The following OR2M3 variants were observed in gnomAD, a reference collection of about 807,000 sequenced individuals.
OR2M3 encodes the protein olfactory receptor family 2 subfamily M member 3.
OR2M3 carries 1 observed loss-of-function variant against 4.3 expected under a neutral mutation model. The observed-to-expected ratio is 0.23, with a 90% CI of 0.08 to 1.11. The LOEUF is 1.11. Ranked by LOEUF, OR2M3 falls within the 50% of genes most tolerant of loss-of-function variation. The pLI is 0.54. For missense variants in OR2M3, 410 were observed against 390.4 expected (o/e 1.05, Z -0.42); for synonymous variants, 151 against 139.4 (o/e 1.08, Z -0.59).
In OR2M3 at chr1:248,202,976, T is replaced by G. The variant is rs1666173947; in HGVS notation, c.-18-74T>G. ...TGTATTGATCACCCAACTACAGAAG[T>G]TACCACAATCACATGATTTATAAGG... is the stretch of plus-strand genomic sequence containing the variant. On this transcript the variant is annotated intron_variant, in intron 1 of 1. Transcript: ENST00000641626. 8 of 1,339,084 alleles carry G rather than the reference T, an allele frequency of 6.0e-6. No homozygotes were observed. The South Asian group carries it at 1.1e-4, about 18-fold the overall frequency. The allele number at this position is 1,339,084 out of a possible 1,614,324, so 83.0% of individuals were successfully genotyped here.
chr1:248,204,609 G>GTATATATA lies in OR2M3; in HGVS notation c.*609_*610insTATATATA, dbSNP rs1191894382. 6.0e-5 allele frequency: 9 copies of GTATATATA among 150,218 alleles called. No individual in the cohort carries two copies. Among genetic ancestry groups the GTATATATA allele is most frequent in the African/African-American group, 2.3e-4 (9 of 39,988 alleles). The allele number at this position is 150,218 out of a possible 1,614,324, so 9.3% of individuals were successfully genotyped here. On this transcript the variant is annotated 3_prime_UTR_variant, in exon 2 of 2. Transcript: ENST00000641626. The stretch of plus-strand genomic sequence containing the variant: ...CTGAGTAGTATTCCATGGTATGTGT[G>GTATATATA]TATATAGATATATATATATATACGT...
At position 248,209,513 on chromosome 1, in the gene OR2M3, G is replaced by A. The variant is rs1296930649; in HGVS notation, c.*5507G>A. The A allele has an allele frequency of 6.6e-6, 1 of 152,064 alleles. No homozygotes were observed. The highest frequency in any genetic ancestry group is 2.4e-5 in the African/African-American group (1 of 41,368). The allele number at this position is 152,064 out of a possible 1,614,324, so 9.4% of individuals were successfully genotyped here. The stretch of plus-strand genomic sequence containing the variant: ...CTTTTGTCCCACTGAGTGCTCCCTC[G>A]ATGTGGTGTTCTCATTCCCCTAGGA... On this transcript the variant is annotated 3_prime_UTR_variant, in exon 2 of 2. Transcript: ENST00000641626.
chr1:248,208,813 T>C lies in OR2M3; in HGVS notation c.*4807T>C, dbSNP rs937503387. ...AACTTGTTATGTACCTAGGGAATGA[T>C]CTTTTTGTCATGAATTTCCCAGGTG... On this transcript the variant is annotated 3_prime_UTR_variant, in exon 2 of 2. Coordinates refer to ENST00000641626, the MANE Select transcript of OR2M3 (RefSeq NM_001004689.2). The C allele has an allele frequency of 2.0e-5, 3 of 152,152 alleles. No individual in the cohort carries two copies. The highest frequency in any genetic ancestry group is 6.6e-5 in the Admixed American group (1 of 15,262). The allele number at this position is 152,152 out of a possible 1,614,324, so 9.4% of individuals were successfully genotyped here. A position where few individuals can be genotyped will look rare whatever the true frequency, so the allele number is the denominator to read the frequency against.
intron 1 of OR2M3, among the ~76,000 whole-genome samples, chr1:248,198,690 G>A (rs1407930174): frequency 6.6e-6 from 1 of 152,084 alleles, no homozygotes; most frequent in East Asian, 1.9e-4. Flanking sequence ...CATGGTTTCT[G>A]TGTTACTATT....
At position 248,211,775 on chromosome 1, in the gene OR2M3, A is replaced by C. The variant is rs143368268; in HGVS notation, c.*7769A>C. On this transcript the variant is annotated 3_prime_UTR_variant, in exon 2 of 2. Coordinates refer to ENST00000641626, the MANE Select transcript of OR2M3 (RefSeq NM_001004689.2). ...TAATTTCCTAATTTGGCCAAGTGGCATGGGCTGAGCTAATTTTTGTATTTT... is the reference window on the plus strand; with the variant it reads ...TAATTTCCTAATTTGGCCAAGTGGCCTGGGCTGAGCTAATTTTTGTATTTT... 1 of 152,192 alleles carries C rather than the reference A, an allele frequency of 6.6e-6. No homozygotes were observed. The highest frequency in any genetic ancestry group is 1.5e-5 in the Non-Finnish European group (1 of 68,036). 9.4% of individuals were successfully genotyped at this position (152,192 alleles called of 1,614,324 possible). A position where few individuals can be genotyped will look rare whatever the true frequency, so the allele number is the denominator to read the frequency against.
chr1:248,201,202 T>G (rs933055566), intron 1 of OR2M3, among the ~76,000 whole-genome samples: 16 of 152,152 alleles, frequency 1.1e-4, no homozygotes, highest in Non-Finnish European at 1.9e-4. Flanking sequence ...TCTCAAAATC[T>G]TATACACATT....
In OR2M3 at chr1:248,205,828, G is replaced by A. The variant is rs992396185; in HGVS notation, c.*1822G>A. On this transcript the variant is annotated 3_prime_UTR_variant, in exon 2 of 2. Coordinates refer to ENST00000641626, the MANE Select transcript of OR2M3 (RefSeq NM_001004689.2). Reference sequence around the variant, plus strand: ...TTGTTCTTTCTAGTTCTGTTAAGAAGGATGGTGATATTTTAGTGGGAATTG... The same window carrying A: ...TTGTTCTTTCTAGTTCTGTTAAGAAAGATGGTGATATTTTAGTGGGAATTG... The A allele has an allele frequency of 4.0e-5, 6 of 151,828 alleles. No individual in the cohort carries two copies. Among genetic ancestry groups the A allele is most frequent in the African/African-American group, 1.4e-4 (6 of 41,388 alleles). 9.4% of individuals were successfully genotyped at this position (151,828 alleles called of 1,614,324 possible). A position where few individuals can be genotyped will look rare whatever the true frequency, so the allele number is the denominator to read the frequency against.
intron 1 of OR2M3, among the ~76,000 whole-genome samples, chr1:248,199,799 A>G (rs1666136209): frequency 6.6e-6 from 1 of 152,112 alleles, no homozygotes; most frequent in Non-Finnish European, 1.5e-5. Flanking sequence ...TGACAGGGCA[A>G]ACTCAATGAA....
Position 248,208,162 on chromosome 1 carries a change from A to G in OR2M3, c.*4156A>G, listed in dbSNP as rs180874649. 6.6e-6 allele frequency: 1 copy of G among 152,088 alleles called. No individual in the cohort carries two copies. The highest frequency in any genetic ancestry group is 2.4e-5 in the African/African-American group (1 of 41,504). 9.4% of individuals were successfully genotyped at this position (152,088 alleles called of 1,614,324 possible). A position where few individuals can be genotyped will look rare whatever the true frequency, so the allele number is the denominator to read the frequency against. ...TGCTTTTGGTGTCAATTTGCATGGA[A>G]TATGTTCTTTCACCCCTTTAACTTA... is the stretch of plus-strand genomic sequence containing the variant. On this transcript the variant is annotated 3_prime_UTR_variant, in exon 2 of 2. Coordinates refer to ENST00000641626, the MANE Select transcript of OR2M3 (RefSeq NM_001004689.2).
chr1:248,198,285 T>C (rs1666119445), intron 1 of OR2M3, among the ~76,000 whole-genome samples: 1 of 152,122 alleles, frequency 6.6e-6, no homozygotes, highest in Non-Finnish European at 1.5e-5. Flanking sequence ...TTTAGATGTG[T>C]GTTTAAATTA....
In OR2M3 at chr1:248,206,885, G is replaced by C. The variant is rs1666228798; in HGVS notation, c.*2879G>C. 1 of 152,000 alleles carries C rather than the reference G, an allele frequency of 6.6e-6. No homozygotes were observed. Among genetic ancestry groups the C allele is most frequent in the African/African-American group, 2.4e-5 (1 of 41,382 alleles). The allele number at this position is 152,000 out of a possible 1,614,324, so 9.4% of individuals were successfully genotyped here. A position where few individuals can be genotyped will look rare whatever the true frequency, so the allele number is the denominator to read the frequency against. ...CTTTGGAATAGTGTCAATAGGATTG[G>C]TATTAATTCTTCTTTGAATGTCTGA... On this transcript the variant is annotated 3_prime_UTR_variant, in exon 2 of 2. Coordinates refer to ENST00000641626, the MANE Select transcript of OR2M3 (RefSeq NM_001004689.2).
Position 248,203,874 on chromosome 1 carries a change from A to T in OR2M3, c.807A>T (p.Thr269=), listed in dbSNP as rs772249976. Residue 269 remains threonine (T), a synonymous_variant, in exon 2 of 2, where the codon ACA becomes ACT. Coordinates refer to ENST00000641626, the MANE Select transcript of OR2M3 (RefSeq NM_001004689.2). ...YIRPTSDRSP[T]QDKMVSVFYT... ...GGCCCACATCTGATCGCTCCCCAAC[A>T]CAGGACAAGATGGTGTCTGTATTCT... 7.4e-6 allele frequency: 12 copies of T among 1,613,490 alleles called. No individual in the cohort carries two copies. Among genetic ancestry groups the T allele is most frequent in the Middle Eastern group, 3.3e-4 (2 of 6,054 alleles).
In OR2M3 at chr1:248,203,368, A is replaced by G; in HGVS notation, c.301A>G (p.Ile101Val). 6.2e-7 allele frequency: 1 copy of G among 1,613,844 alleles called. No individual in the cohort carries two copies. The highest frequency in any genetic ancestry group is 2.2e-5 in the East Asian group (1 of 44,842). Reference protein sequence around the residue: ...SISMAGCATQIFFYTSLLGSE... With the variant: ...SISMAGCATQVFFYTSLLGSE... Reference sequence around the variant, plus strand: ...TTCTATGGCTGGTTGTGCCACACAAATTTTCTTCTATACATCACTGCTTGG... The same window carrying G: ...TTCTATGGCTGGTTGTGCCACACAAGTTTTCTTCTATACATCACTGCTTGG... Residue 101 changes from isoleucine to valine, a missense_variant, in exon 2 of 2, where the codon ATT becomes GTT. Physicochemically the swap from Ile to Val is conservative, Grantham distance 29. Transcript: ENST00000641626.
At position 248,203,197 on chromosome 1, in the gene OR2M3, G is replaced by T. The variant is rs112063580; in HGVS notation, c.130G>T (p.Val44Phe). Residue 44 changes from valine (V) to phenylalanine (F), a missense_variant, in exon 2 of 2, where the codon GTC becomes TTC. Transcript: ENST00000641626. ...TTCAGTGGCCTTCATGGGAAACTCT[G>T]TCATGGTTCTCCTCATCTACCTGGA... Reference protein sequence around the residue: ...IFSVAFMGNSVMVLLIYLDTQ... With the variant: ...IFSVAFMGNSFMVLLIYLDTQ... 6 of 1,613,978 alleles carry T rather than the reference G, an allele frequency of 3.7e-6. No homozygotes were observed. The African/African-American group carries it at 5.3e-5, about 14-fold the overall frequency.
chr1:248,199,220 CAG>C (rs1666130404), intron 1 of OR2M3, among the ~76,000 whole-genome samples: 1 of 151,916 alleles, frequency 6.6e-6, no homozygotes. Context: ...ATGTCTAATC[CAG>C]AGTTCAAAAT....
chr1:248,202,765 TA>T (rs5782455), intron 1 of OR2M3, among the ~76,000 whole-genome samples: 73,630 of 148,138 alleles, frequency 0.5, 19,707 homozygotes, highest in Non-Finnish European at 0.61. Flanking sequence ...TTGGAGACTT[TA>T]AAAAAAAAAA....
chr1:248,212,728 A>T lies in OR2M3; in HGVS notation c.*8722A>T. On this transcript the variant is annotated 3_prime_UTR_variant, in exon 2 of 2. Transcript: ENST00000641626. ...TTTAAATTTATGCTGGCTATGAAAAACAGAAACCAGGCTCCTGTCTTTGTT... is the reference window on the plus strand; with the variant it reads ...TTTAAATTTATGCTGGCTATGAAAATCAGAAACCAGGCTCCTGTCTTTGTT... 1 of 152,046 alleles carries T rather than the reference A, an allele frequency of 6.6e-6. No individual in the cohort carries two copies. Among genetic ancestry groups the T allele is most frequent in the African/African-American group, 2.4e-5 (1 of 41,412 alleles). The allele number at this position is 152,046 out of a possible 1,614,324, so 9.4% of individuals were successfully genotyped here. A position where few individuals can be genotyped will look rare whatever the true frequency, so the allele number is the denominator to read the frequency against.
rs1296351273 is a variant in OR2M3, at chr1:248,204,567, T to TTTTGTA, written c.*565_*570dup. 6.5e-6 allele frequency: 1 copy of TTTTGTA among 152,692 alleles called. No individual in the cohort carries two copies. Among genetic ancestry groups the TTTTGTA allele is most frequent in the African/African-American group, 2.4e-5 (1 of 41,180 alleles). 9.5% of individuals were successfully genotyped at this position (152,692 alleles called of 1,614,324 possible). A position where few individuals can be genotyped will look rare whatever the true frequency, so the allele number is the denominator to read the frequency against. On this transcript the variant is annotated 3_prime_UTR_variant, in exon 2 of 2. Coordinates refer to ENST00000641626, the MANE Select transcript of OR2M3 (RefSeq NM_001004689.2). Reference sequence around the variant, plus strand: ...ATCCCAGTTGCTGTGAATGCCATTATTTTGTATTTTTTATGACTGAGTAGT... The same window carrying TTTTGTA: ...ATCCCAGTTGCTGTGAATGCCATTATTTTGTATTTGTATTTTTTATGACTGAGTAGT...
Position 248,203,781 on chromosome 1 carries a change from T to C in OR2M3, c.714T>C (p.Phe238=), listed in dbSNP as rs1558253050. 11 of 1,612,800 alleles carry C rather than the reference T, an allele frequency of 6.8e-6. No individual in the cohort carries two copies. The highest frequency in any genetic ancestry group is 2.2e-5 in the South Asian group (2 of 91,016). ...MGSGEGRRKA[F]TTCSSHLLVV... is the part of the protein sequence containing the mutation. ...CTGGAGAGGGTCGTCGCAAAGCTTTTACTACTTGTTCCTCTCACCTCTTGG... is the reference window on the plus strand; with the variant it reads ...CTGGAGAGGGTCGTCGCAAAGCTTTCACTACTTGTTCCTCTCACCTCTTGG... Residue 238 remains phenylalanine (F), a synonymous_variant, in exon 2 of 2, where the codon TTT becomes TTC. Coordinates refer to ENST00000641626, the MANE Select transcript of OR2M3 (RefSeq NM_001004689.2).
Sources: gnomAD v4.1 joint callset for allele counts (sites outside exome capture counted in the v4.1 genomes callset) on GRCh38, gnomAD v4.1.1 for gene constraint, MANE v1.5 for transcripts, NCBI Gene and HGNC (gene_info 2026-07-23, HGNC 2026-07-21) for gene names.